Variants in TBC1D2 observed in about 807,000 individuals in gnomAD.
TBC1D2 encodes the protein TBC1 domain family member 2, also known as TBC1 domain family member 2A.
TBC1D2 carries 58 observed loss-of-function variants against 91.1 expected under a neutral mutation model. The ratio of observed to expected loss-of-function variants is 0.64; its 90% CI spans 0.52 to 0.79. The LOEUF (loss-of-function observed/expected upper bound fraction) is 0.79, where lower values mean the gene tolerates loss of function less well. TBC1D2 is among the 30% of genes least tolerant of loss of function. The probability of loss-of-function intolerance (pLI) is 0.00; values close to 1 mark genes in which losing one functional copy is unlikely to be tolerated. For missense variants in TBC1D2, 1,080 were observed against 1,208.3 expected, an observed-to-expected ratio of 0.89 and a Z score of 1.57; for synonymous variants, 482 against 511.5, an observed-to-expected ratio of 0.94 and a Z score of 0.78.
intron 9 of TBC1D2, among the ~76,000 whole-genome samples, chr9:98,204,882 C>A (rs1164529982): frequency 6.6e-6 from 1 of 152,180 alleles, no homozygotes; most frequent in African/African-American, 2.4e-5. Flanking sequence ...CGTCTGTGCC[C>A]AGGGCAGACA....
At chr9:98,218,282 C>T (rs1771985705) in intron 6 of TBC1D2, among the ~76,000 whole-genome samples, 1 of 152,072 alleles carries the variant, frequency 6.6e-6, no homozygotes, top group Admixed American at 6.6e-5. Context: ...AAAGAAAATT[C>T]ATGGCCAGGT....
rs1167357326 is a variant in TBC1D2, at chr9:98,212,422, T to A, written c.1485+686A>T. Among the ~76,000 whole-genome samples the A allele has an allele frequency of 2.0e-5, 3 of 151,958 alleles. No homozygotes were observed. The East Asian group carries it at 5.8e-4, about 29-fold the overall frequency. On this transcript the variant is annotated intron_variant, in intron 7 of 12. Transcript: ENST00000465784. ...CATTAACTCATCCTTAGGACTCAAT[T>A]CAGAAGGTACCTCCTCCAGGAAGCC...
intron 5 of TBC1D2, among the ~76,000 whole-genome samples, chr9:98,227,856 C>G (rs2119116923): frequency 6.6e-6 from 1 of 151,810 alleles, no homozygotes; most frequent in South Asian, 2.1e-4. Flanking sequence ...GATCTGCTGA[C>G]AGTGGTCACT....
rs1276728249 is a variant in TBC1D2, at chr9:98,228,164, C to G, written c.978+788G>C. ...TCACTGGAGCCCGCCACTGCCACCA[C>G]AGGTCCTACCAGGCCCCACCGTTGG... On this transcript the variant is annotated intron_variant, in intron 5 of 12. Transcript: ENST00000465784. The surrounding 1 kb of genome is among the most constrained non-coding windows in gnomAD (Gnocchi z 4.0). Among the ~76,000 whole-genome samples, 3 of 152,182 alleles carry G rather than the reference C, an allele frequency of 2.0e-5. No individual in the cohort carries two copies. Among genetic ancestry groups the G allele is most frequent in the Non-Finnish European group, 4.4e-5 (3 of 68,038 alleles).
intron 4 of TBC1D2, among the ~76,000 whole-genome samples, chr9:98,231,950 T>C (rs1255135697): frequency 6.6e-6 from 1 of 152,092 alleles, no homozygotes; most frequent in Non-Finnish European, 1.5e-5. Flanking sequence ...GGCACAGCCA[T>C]AGAGAAAGAA....
At position 98,233,487 on chromosome 9, in the gene TBC1D2, C is replaced by T; in HGVS notation, c.710G>A (p.Gly237Glu). 1.9e-6 allele frequency: 3 copies of T among 1,614,184 alleles called. No homozygotes were observed. Among genetic ancestry groups the T allele is most frequent in the Non-Finnish European group, 2.5e-6 (3 of 1,180,016 alleles). Residue 237 changes from glycine (G) to glutamate (E), a missense_variant, in exon 4 of 13, where the codon GGG becomes GAG. Coordinates refer to ENST00000465784, the MANE Select transcript of TBC1D2 (RefSeq NM_001267571.2). ...QAQGTGHEPP[G>E]EDSPQSGEPQ... ...CTCCCCACTCTGTGGAGAATCTTCC[C>T]CTGGAGGTTCATGGCCTGTTCCCTG...
intron 2 of TBC1D2, among the ~76,000 whole-genome samples, chr9:98,249,625 G>A (rs1279779155): frequency 6.6e-6 from 1 of 152,108 alleles, no homozygotes; most frequent in Admixed American, 6.6e-5. Flanking sequence ...CAGAAGCAAA[G>A]AAACCCTTCA....
rs551008209 is a variant in TBC1D2 at position 98,251,849 on chromosome 9, C to A, written c.447G>T (p.Pro149=). The A allele has an allele frequency of 6.2e-7, 1 of 1,604,916 alleles. No individual in the cohort carries two copies. The highest frequency in any genetic ancestry group is 8.5e-7 in the Non-Finnish European group (1 of 1,176,248). The stretch of plus-strand genomic sequence containing the variant: ...CGGCATCAGGGGTGGCAGGAGGTGC[C>A]GGCGGGCTGTTGTGGAATTCCCAGC... ...MKRWEFHNSP[P]APPATPDAAL... Residue 149 remains proline, a synonymous_variant, in exon 2 of 13, where the codon CCG becomes CCT. Transcript: ENST00000465784.
chr9:98,213,570 T>C (rs1828902062), intron 6 of TBC1D2: 1 of 291,702 alleles, frequency 3.4e-6, no homozygotes, highest in Non-Finnish European at 6.0e-6. Context: ...AGTGAGATAA[T>C]GTGTGACAAC....
intron 4 of TBC1D2, among the ~76,000 whole-genome samples, chr9:98,231,909 T>C (rs756116489): frequency 3.4e-4 from 52 of 152,278 alleles, no homozygotes; most frequent in Non-Finnish European, 6.8e-4. Context: ...TATTCCTTGG[T>C]ATATTCCACT....
At chr9:98,245,219 G>A (rs1396819448) in intron 2 of TBC1D2, among the ~76,000 whole-genome samples, 2 of 150,924 alleles carry the variant, frequency 1.3e-5, no homozygotes, top group South Asian at 2.1e-4. Flanking sequence ...CAGCCTGGGC[G>A]ACAGAGTGAG....
At chr9:98,221,633 T>C (rs1829104284) in intron 5 of TBC1D2, among the ~76,000 whole-genome samples, 1 of 152,220 alleles carries the variant, frequency 6.6e-6, no homozygotes, top group African/African-American at 2.4e-5. Context: ...AGGTACATGT[T>C]GAGAAAGGGC....
intron 8 of TBC1D2, among the ~76,000 whole-genome samples, chr9:98,209,756 T>TTTCCTTCC (rs3059560): frequency 0.068 from 7,151 of 105,466 alleles, 405 homozygotes; most frequent in African/African-American, 0.15. Flanking sequence ...CCTTCCTTCC[T>TTTCCTTCC]TTCCTTCCTT....
At chr9:98,230,462 G>A (rs1829339831) in intron 4 of TBC1D2, among the ~76,000 whole-genome samples, 2 of 152,190 alleles carry the variant, frequency 1.3e-5, no homozygotes, top group Admixed American at 6.5e-5. Context: ...GGACTAAAGT[G>A]TTAAAGGTGT....
At chr9:98,224,127 G>A (rs962998101) in intron 5 of TBC1D2, among the ~76,000 whole-genome samples, 41 of 151,694 alleles carry the variant, frequency 2.7e-4, no homozygotes, top group Non-Finnish European at 5.2e-4. Flanking sequence ...AACCCGGGAG[G>A]CGGAGCTGGC....
At chr9:98,253,523 G>A (rs60489972) in intron 1 of TBC1D2, among the ~76,000 whole-genome samples, 10,631 of 152,084 alleles carry the variant, frequency 0.07, 834 homozygotes, top group African/African-American at 0.2. Flanking sequence ...CCCCACCCTC[G>A]GGCCTCTGCT....
At chr9:98,253,928 G>T (rs1166134575) in intron 1 of TBC1D2, among the ~76,000 whole-genome samples, 1 of 152,184 alleles carries the variant, frequency 6.6e-6, no homozygotes, top group Non-Finnish European at 1.5e-5. Flanking sequence ...AGGAACAATG[G>T]AATACTATTA....
intron 6 of TBC1D2, chr9:98,213,648 A>G: frequency 6.1e-6 from 1 of 163,034 alleles, no homozygotes; most frequent in South Asian, 1.7e-4. Flanking sequence ...AACATATTTT[A>G]TCATATATTT....
At chr9:98,247,660 C>T (rs1563990577) in intron 2 of TBC1D2, among the ~76,000 whole-genome samples, 2 of 140,868 alleles carry the variant, frequency 1.4e-5, no homozygotes, top group Admixed American at 7.7e-5. Context: ...ACCCAGGAGA[C>T]GGAGGTTGCA....
Sources: gnomAD v4.1 joint callset for allele counts (sites outside exome capture counted in the v4.1 genomes callset) on GRCh38, gnomAD v4.1.1 for gene constraint, Gnocchi (gnomAD v3.1) non-coding constraint, MANE v1.5 for transcripts, NCBI Gene and HGNC (gene_info 2026-07-23, HGNC 2026-07-21) for gene names.